DNAH12: variants seen among roughly 807,000 people sequenced by gnomAD.
DNAH12 encodes axonemal beta dynein heavy chain 12.
Under a neutral mutation model 371.5 loss-of-function variants are expected in DNAH12, and 285 were observed. That is an observed-to-expected ratio of 0.77 (90% CI 0.70 to 0.85). The LOEUF is 0.85. Ranked by LOEUF, DNAH12 falls within the 40% of genes least tolerant of loss-of-function variation. DNAH12 has a pLI of 0.00. For synonymous variants in DNAH12, 1,200 were observed against 1,213.0 expected, an observed-to-expected ratio of 0.99 and a Z score of 0.22; for missense variants, 3,611 against 3,689.4, an observed-to-expected ratio of 0.98 and a Z score of 0.55.
At chr3:57,339,634 G>A (rs1447748453) in intron 60 of DNAH12, among the ~76,000 whole-genome samples, 1 of 151,928 alleles carries the variant, frequency 6.6e-6, no homozygotes, top group African/African-American at 2.4e-5. Flanking sequence ...AAAAAAAATT[G>A]TTTCAATTGA....
At chr3:57,501,517 T>C in intron 10 of DNAH12, 105 bp from the exon 11 acceptor site, 1 of 740,490 alleles carries the variant, frequency 1.4e-6, no homozygotes, top group Non-Finnish European at 2.2e-6. Flanking sequence ...TTAAATATTA[T>C]TATTAATAGA....
At chr3:57,459,326 G>A (rs148365761) in intron 20 of DNAH12, among the ~76,000 whole-genome samples, 11 of 152,288 alleles carry the variant, frequency 7.2e-5, no homozygotes, top group African/African-American at 2.4e-4. Flanking sequence ...GGAGAGCAGT[G>A]AGTGTTTATA....
intron 42 of DNAH12, 60 bp downstream of exon 42, chr3:57,404,909 A>T: frequency 1.4e-6 from 2 of 1,388,172 alleles, no homozygotes; most frequent in East Asian, 5.7e-5. Flanking sequence ...TACATTTCAA[A>T]CATTTCATAA....
In DNAH12 at chr3:57,433,278, TTATTTTAAA is replaced by T. The variant is rs984685752; in HGVS notation, c.4980+80_4980+88del. 183 of 1,360,172 alleles carry T rather than the reference TTATTTTAAA, an allele frequency of 1.3e-4. No homozygotes were observed. The African/African-American group carries it at 1.4e-3, about 10-fold the overall frequency. The allele number at this position is 1,360,172 out of a possible 1,614,324, so 84.3% of individuals were successfully genotyped here. On this transcript the variant is annotated intron_variant, in intron 32 of 73. Transcript: ENST00000495027. ...GCTGCATCCTTTATTTTTGCATCCT[TTATTTTAAA>T]TAGAGTCCTAGTTTAGTTGCTGAAC...
At chr3:57,350,464 G>A (rs1394735356) in intron 60 of DNAH12, among the ~76,000 whole-genome samples, 2 of 152,144 alleles carry the variant, frequency 1.3e-5, no homozygotes, top group African/African-American at 4.8e-5. Context: ...TTTTCAACAA[G>A]TGGAGAGCTG....
chr3:57,503,916 A>G, intron 9 of DNAH12, 100 bp downstream of exon 9: 1 of 959,270 alleles, frequency 1.0e-6, no homozygotes, highest in African/African-American at 1.6e-5. Context: ...GGGGGAGGAA[A>G]ATAACAGAAA....
At chr3:57,361,338 A>G (rs933072411) in intron 58 of DNAH12, among the ~76,000 whole-genome samples, 9 of 151,126 alleles carry the variant, frequency 6.0e-5, no homozygotes, top group African/African-American at 2.2e-4. Context: ...AACAAGAGTA[A>G]AACTCTGTCT....
At position 57,500,394 on chromosome 3, in the gene DNAH12, A is replaced by T. The variant is rs1330046104; in HGVS notation, c.1335+927T>A. Among the ~76,000 whole-genome samples, 5 of 152,188 alleles carry T rather than the reference A, an allele frequency of 3.3e-5. No homozygotes were observed. The East Asian group carries it at 5.8e-4, about 18-fold the overall frequency. The stretch of plus-strand genomic sequence containing the variant: ...GAATAGATTACTTCCACAGCGAAAA[A>T]CCTTCAGAACAAAGTACAAACTCTT... On this transcript the variant is annotated intron_variant, in intron 11 of 73. Coordinates refer to ENST00000495027, the MANE Select transcript of DNAH12 (RefSeq NM_001366028.2).
At chr3:57,549,878 C>T in the DNAH12 span, among the ~76,000 whole-genome samples, 9 of 152,040 alleles carry the variant, frequency 5.9e-5, no homozygotes, top group Non-Finnish European at 7.4e-5. Flanking sequence ...TCTGCCTTGG[C>T]CTCCCAAAGT....
At chr3:57,522,405 G>T (rs867462499) in intron 4 of DNAH12, among the ~76,000 whole-genome samples, 2 of 152,004 alleles carry the variant, frequency 1.3e-5, no homozygotes, top group South Asian at 4.1e-4. Context: ...ACACATACAC[G>T]CAAATATTAA....
chr3:57,455,005 A>G, intron 22 of DNAH12, 111 bp from the exon 23 acceptor site: 1 of 1,149,342 alleles, frequency 8.7e-7, no homozygotes, highest in Non-Finnish European at 1.2e-6. Flanking sequence ...CTAGAATGTC[A>G]TATAGTCATA....
At chr3:57,455,351 G>A (rs1056394202) in intron 22 of DNAH12, among the ~76,000 whole-genome samples, 10 of 151,810 alleles carry the variant, frequency 6.6e-5, no homozygotes, top group Non-Finnish European at 1.3e-4. Flanking sequence ...ATCACCTGAG[G>A]TCAGGAGTTC....
At position 57,419,420 on chromosome 3, in the gene DNAH12, C is replaced by G; in HGVS notation, c.5661G>C (p.Thr1887=). Residue 1887 remains threonine, a synonymous_variant, in exon 37 of 74, where the codon ACG becomes ACC. Coordinates refer to ENST00000495027, the MANE Select transcript of DNAH12 (RefSeq NM_001366028.2). The part of the protein sequence containing the change: ...QIKIQDIIVP[T]MDTIRYTFLM... Reference sequence around the variant, plus strand: ...GAAACGTATATCTAATTGTGTCCATCGTAGGGACTATGATATCTTGAATCT... The same window carrying G: ...GAAACGTATATCTAATTGTGTCCATGGTAGGGACTATGATATCTTGAATCT... 1 of 1,511,364 alleles carries G rather than the reference C, an allele frequency of 6.6e-7. No homozygotes were observed. Among genetic ancestry groups the G allele is most frequent in the Non-Finnish European group, 8.8e-7 (1 of 1,134,252 alleles). 93.6% of individuals were successfully genotyped at this position (1,511,364 alleles called of 1,614,324 possible).
intron 39 of DNAH12, among the ~76,000 whole-genome samples, chr3:57,411,770 G>A (rs1457614873): frequency 6.6e-6 from 1 of 152,082 alleles, no homozygotes; most frequent in Non-Finnish European, 1.5e-5. Context: ...TTGACATGTA[G>A]ATTCAACGCA....
chr3:57,422,073 A>G (rs545812324), intron 35 of DNAH12, among the ~76,000 whole-genome samples: 84 of 149,494 alleles, frequency 5.6e-4, no homozygotes, highest in Non-Finnish European at 9.9e-4. Flanking sequence ...AGCCTGACTA[A>G]TTTTTTGTTT....
At chr3:57,396,969 G>C (rs2063754884) in intron 43 of DNAH12, among the ~76,000 whole-genome samples, 1 of 152,214 alleles carries the variant, frequency 6.6e-6, no homozygotes, top group Non-Finnish European at 1.5e-5. Flanking sequence ...AGGTTGCAGT[G>C]AGTGGAGATC....
At chr3:57,429,621 A>C in intron 33 of DNAH12, 70 bp downstream of exon 33, 1 of 1,411,048 alleles carries the variant, frequency 7.1e-7, no homozygotes, top group Non-Finnish European at 9.6e-7. Context: ...ATATAATAAA[A>C]AATACTTATT....
intron 43 of DNAH12, among the ~76,000 whole-genome samples, chr3:57,395,000 G>T (rs2063707152): frequency 6.6e-6 from 1 of 151,752 alleles, no homozygotes; most frequent in African/African-American, 2.4e-5. Context: ...AACATAGCCA[G>T]GATTTAAAAA....
intron 52 of DNAH12, among the ~76,000 whole-genome samples, chr3:57,377,730 C>A (rs1250820657): frequency 6.6e-6 from 1 of 152,046 alleles, no homozygotes; most frequent in Non-Finnish European, 1.5e-5. Context: ...AGTTTCACTA[C>A]CAAAACTGAA....
Sources: gnomAD v4.1 joint callset for allele counts (sites outside exome capture counted in the v4.1 genomes callset) on GRCh38, gnomAD v4.1.1 for gene constraint, MANE v1.5 for transcripts, NCBI Gene and HGNC (gene_info 2026-07-23, HGNC 2026-07-21) for gene names.